The following SKIC2 variants were observed in gnomAD, a reference collection of about 807,000 sequenced individuals.
The protein encoded by SKIC2 is superkiller complex protein 2.
chr6:31,960,686 A>T, the SKIC2 span: 1 of 1,588,552 alleles, frequency 6.3e-7, no homozygotes, highest in South Asian at 1.1e-5. Context: ...TGAACCCACC[A>T]TAACAGATCT....
chr6:31,960,663 CA>C, the SKIC2 span: 27 of 1,589,548 alleles, frequency 1.7e-5, no homozygotes, highest in African/African-American at 1.5e-4. Flanking sequence ...TGTCTCTTCC[CA>C]GGGGGGATGG....
the SKIC2 span, chr6:31,969,739 A>G: frequency 3.2e-6 from 5 of 1,583,526 alleles, no homozygotes; most frequent in Non-Finnish European, 4.3e-6. The surrounding 1 kb of genome is among the most constrained non-coding windows in gnomAD (Gnocchi z 6.1). Context: ...AAACATGATG[A>G]TAAAACAGCA....
At chr6:31,967,802 G>A in the SKIC2 span, 1 of 1,612,998 alleles carries the variant, frequency 6.2e-7, no homozygotes, top group Non-Finnish European at 8.5e-7. The surrounding 1 kb of genome is among the most constrained non-coding windows in gnomAD (Gnocchi z 4.9). Flanking sequence ...CAGGGGGCCA[G>A]CCACTGCAGA....
chr6:31,968,671 G>A, the SKIC2 span: 1 of 1,604,260 alleles, frequency 6.2e-7, no homozygotes, highest in Non-Finnish European at 8.5e-7. The surrounding 1 kb of genome is among the most constrained non-coding windows in gnomAD (Gnocchi z 6.1). Flanking sequence ...AAGGCTGACG[G>A]GTGGCTCTCT....
the SKIC2 span, chr6:31,962,493 C>T: frequency 6.8e-6 from 11 of 1,614,002 alleles, no homozygotes; most frequent in African/African-American, 5.3e-5. The surrounding 1 kb of genome is among the most constrained non-coding windows in gnomAD (Gnocchi z 5.0). Flanking sequence ...TCCGGGACTT[C>T]CGAAACACAT....
At chr6:31,967,922 T>C in the SKIC2 span, 2 of 1,613,016 alleles carry the variant, frequency 1.2e-6, no homozygotes, top group Non-Finnish European at 1.7e-6. The surrounding 1 kb of genome is among the most constrained non-coding windows in gnomAD (Gnocchi z 4.9). Flanking sequence ...CCTGGGTCCA[T>C]GGCAATGTCT....
the SKIC2 span, chr6:31,963,836 C>T: frequency 2.0e-6 from 3 of 1,466,148 alleles, no homozygotes; most frequent in African/African-American, 2.8e-5. This position sits in a 1 kb window ranked among gnomAD's most constrained non-coding sequence, Gnocchi z 5.3. Context: ...TGAGCACTGC[C>T]CCAGTTAACA....
At chr6:31,967,616 G>C in the SKIC2 span, 1 of 1,375,954 alleles carries the variant, frequency 7.3e-7, no homozygotes, top group Non-Finnish European at 1.0e-6. The surrounding 1 kb of genome is among the most constrained non-coding windows in gnomAD (Gnocchi z 4.9). Flanking sequence ...AGCTCTGCAT[G>C]GTTGCTTCCT....
chr6:31,962,558 G>C, the SKIC2 span: 1 of 1,613,812 alleles, frequency 6.2e-7, no homozygotes, highest in Non-Finnish European at 8.5e-7. The surrounding 1 kb of genome is among the most constrained non-coding windows in gnomAD (Gnocchi z 5.0). Context: ...GAGGCCTCCT[G>C]CCTCATCATG....
the SKIC2 span, chr6:31,968,106 T>C: frequency 1.2e-6 from 2 of 1,612,114 alleles, no homozygotes; most frequent in Non-Finnish European, 1.7e-6. The surrounding 1 kb of genome is among the most constrained non-coding windows in gnomAD (Gnocchi z 6.1). Context: ...GGGAGGCCCT[T>C]CTCCTCCAGA....
chr6:31,959,324 T>C, the SKIC2 span: 238 of 1,613,764 alleles, frequency 1.5e-4, no homozygotes, highest in Non-Finnish European at 1.9e-4. Flanking sequence ...CCCCTGGACC[T>C]ACCCCTTCGG....
the SKIC2 span, chr6:31,967,592 CCT>C: frequency 8.8e-7 from 1 of 1,138,398 alleles, no homozygotes; most frequent in South Asian, 1.4e-5. This position sits in a 1 kb window ranked among gnomAD's most constrained non-coding sequence, Gnocchi z 4.9. Context: ...CTTGGTTGCC[CCT>C]CTCTACTGGT....
chr6:31,960,742 TA>T, the SKIC2 span: 11 of 1,552,906 alleles, frequency 7.1e-6, no homozygotes, highest in Non-Finnish European at 9.5e-6. Context: ...TTGAGAAAGG[TA>T]AGGTGGGGCT....
At chr6:31,965,745 G>A in the SKIC2 span, 3 of 1,309,066 alleles carry the variant, frequency 2.3e-6, no homozygotes, top group Admixed American at 3.4e-5. This position sits in a 1 kb window ranked among gnomAD's most constrained non-coding sequence, Gnocchi z 5.6. Flanking sequence ...TGTGTATGTA[G>A]AGCCTTTGCT....
the SKIC2 span, among the ~76,000 whole-genome samples, chr6:31,964,548 T>C: frequency 2.0e-5 from 3 of 152,226 alleles, no homozygotes; most frequent in Admixed American, 6.5e-5. This position sits in a 1 kb window ranked among gnomAD's most constrained non-coding sequence, Gnocchi z 5.0. Flanking sequence ...TCCTGAACTT[T>C]AGGTTTCCCA....
the SKIC2 span, chr6:31,969,373 C>T: frequency 6.2e-7 from 1 of 1,614,146 alleles, no homozygotes; most frequent in Non-Finnish European, 8.5e-7. The surrounding 1 kb of genome is among the most constrained non-coding windows in gnomAD (Gnocchi z 6.1). Context: ...TGTGGGGGAG[C>T]TGAATTTTGG....
At chr6:31,961,950 G>A in the SKIC2 span, 2 of 1,612,884 alleles carry the variant, frequency 1.2e-6, no homozygotes, top group East Asian at 2.2e-5. Flanking sequence ...AGGCCATCCT[G>A]CACTTGGAAC....
the SKIC2 span, chr6:31,969,437 T>C: frequency 6.2e-7 from 1 of 1,614,108 alleles, no homozygotes; most frequent in South Asian, 1.1e-5. This position sits in a 1 kb window ranked among gnomAD's most constrained non-coding sequence, Gnocchi z 6.1. Flanking sequence ...ACCTGAGGTT[T>C]GGGATTTTGC....
chr6:31,965,888 C>T, the SKIC2 span: 1 of 1,612,868 alleles, frequency 6.2e-7, no homozygotes, highest in African/African-American at 1.3e-5. The surrounding 1 kb of genome is among the most constrained non-coding windows in gnomAD (Gnocchi z 5.6). Context: ...CCGGGACCTG[C>T]TCCCTGGGGA....
Sources: gnomAD v4.1 joint callset for allele counts (sites outside exome capture counted in the v4.1 genomes callset) on GRCh38, gnomAD v4.1.1 for gene constraint, Gnocchi (gnomAD v3.1) non-coding constraint, MANE v1.5 for transcripts, NCBI Gene and HGNC (gene_info 2026-07-23, HGNC 2026-07-21) for gene names.